The following EDA variants were observed in gnomAD, a reference collection of about 807,000 sequenced individuals.
EDA encodes the protein ectodysplasin A, also known as ectodysplasin-A.
In EDA, 2 loss-of-function variants were observed where a neutral mutation model predicts 23.6. That is an observed-to-expected ratio of 0.08 (90% CI 0.03 to 0.27). The LOEUF is 0.27. EDA is among the 10% of genes least tolerant of loss of function. The pLI is 1.00. For missense variants in EDA, 229 were observed against 324.2 expected, an observed-to-expected ratio of 0.71 and a Z score of 2.26; for synonymous variants, 131 against 132.0, an observed-to-expected ratio of 0.99 and a Z score of 0.05.
intron 1 of EDA, among the ~76,000 whole-genome samples, chrX:69,697,491 A>G (rs1196311344): frequency 5.4e-5 from 6 of 111,815 alleles, no homozygotes. Flanking sequence ...CAAGCGTGAC[A>G]TGGGGGGTGT....
At chrX:69,691,673 C>T (rs1364145382) in intron 1 of EDA, among the ~76,000 whole-genome samples, 2 of 111,196 alleles carry the variant, frequency 1.8e-5, no homozygotes, top group African/African-American at 6.5e-5. Context: ...TATTAAATAT[C>T]CATAGAGATA....
chrX:69,928,972 C>T (rs1043898216), intron 1 of EDA, among the ~76,000 whole-genome samples: 13 of 111,558 alleles, frequency 1.2e-4, no homozygotes, highest in African/African-American at 3.3e-5. Context: ...AATAAATGCG[C>T]CACCAACTTG....
intron 1 of EDA, among the ~76,000 whole-genome samples, chrX:69,642,824 A>G (rs1932856102): frequency 8.9e-6 from 1 of 111,892 alleles, no homozygotes; most frequent in Non-Finnish European, 1.9e-5. Context: ...TCACAAAGCC[A>G]GTAAGCCAGT....
chrX:69,790,288 A>G (rs1052553749), intron 1 of EDA, among the ~76,000 whole-genome samples: 2 of 110,576 alleles, frequency 1.8e-5, no homozygotes, highest in South Asian at 3.9e-4. Context: ...ATATGTAGAC[A>G]TGTGCCATCT....
chrX:69,727,909 A>T (rs1327069064), intron 1 of EDA, among the ~76,000 whole-genome samples: 1 of 111,110 alleles, frequency 9.0e-6, no homozygotes, highest in African/African-American at 3.3e-5. Flanking sequence ...ATATTTTTTG[A>T]TGTACTATGT....
At chrX:69,913,679 A>G (rs1258877073) in intron 1 of EDA, among the ~76,000 whole-genome samples, 1 of 112,297 alleles carries the variant, frequency 8.9e-6, no homozygotes, top group Admixed American at 9.5e-5. Flanking sequence ...TGCATTCATA[A>G]CTTGGCTAAC....
chrX:69,871,410 G>T (rs2017563782), intron 1 of EDA, among the ~76,000 whole-genome samples: 2 of 111,639 alleles, frequency 1.8e-5, no homozygotes, highest in South Asian at 7.7e-4. Context: ...AAACTGAGGA[G>T]TAAGGAGAGC....
intron 3 of EDA, among the ~76,000 whole-genome samples, chrX:70,025,707 C>A (rs2020098072): frequency 8.9e-6 from 1 of 112,167 alleles, no homozygotes; most frequent in Non-Finnish European, 1.9e-5. Context: ...CTGCCCAAAT[C>A]TGAAAGGAGA....
At chrX:69,843,939 G>A (rs747829542) in intron 1 of EDA, among the ~76,000 whole-genome samples, 3 of 104,579 alleles carry the variant, frequency 2.9e-5, no homozygotes, top group Admixed American at 1.1e-4. Flanking sequence ...GGAGAATGGC[G>A]TGCACCCAGG....
At chrX:69,826,627 C>T (rs867011468) in intron 1 of EDA, among the ~76,000 whole-genome samples, 2 of 109,081 alleles carry the variant, frequency 1.8e-5, no homozygotes, top group Non-Finnish European at 3.8e-5. Flanking sequence ...GAATATAGCA[C>T]ACTGATGGGT....
chrX:69,746,151 T>C (rs2013613903), intron 1 of EDA, among the ~76,000 whole-genome samples: 1 of 110,881 alleles, frequency 9.0e-6, no homozygotes, highest in Non-Finnish European at 1.9e-5. Flanking sequence ...TTTCTCATTC[T>C]CTTTCTTTCT....
chrX:69,658,575 G>A (rs180822283), intron 1 of EDA, among the ~76,000 whole-genome samples: 1 of 110,688 alleles, frequency 9.0e-6, no homozygotes. Flanking sequence ...TTAAGATTTT[G>A]TCATACTTTC....
intron 1 of EDA, among the ~76,000 whole-genome samples, chrX:69,752,970 C>T (rs1481569718): frequency 9.0e-6 from 1 of 111,260 alleles, no homozygotes; most frequent in Admixed American, 9.5e-5. Flanking sequence ...TCTCTCTTTT[C>T]TTCTTTATTA....
intron 1 of EDA, among the ~76,000 whole-genome samples, chrX:69,788,489 T>G (rs1162546134): frequency 8.9e-6 from 1 of 111,954 alleles, no homozygotes; most frequent in African/African-American, 3.2e-5. Context: ...GTCCTTTCTG[T>G]TTGTTAGTTT....
intron 1 of EDA, among the ~76,000 whole-genome samples, chrX:69,719,146 G>A (rs932784664): frequency 1.8e-5 from 2 of 109,596 alleles, no homozygotes; most frequent in Admixed American, 9.8e-5. Flanking sequence ...GATATATTCT[G>A]TTTCATTCCT....
intron 1 of EDA, among the ~76,000 whole-genome samples, chrX:69,701,351 G>C (rs2011528556): frequency 9.0e-6 from 1 of 111,373 alleles, no homozygotes; most frequent in Admixed American, 9.5e-5. Context: ...GGCCTGGTGG[G>C]CTTACCTGGG....
At position 70,011,579 on chromosome X, in the gene EDA, T is replaced by A. The variant is rs185721712; in HGVS notation, c.503-11639T>A. On this transcript the variant is annotated intron_variant, in intron 2 of 7. Coordinates refer to ENST00000374552, the MANE Select transcript of EDA (RefSeq NM_001399.5). ...TTTGAACAAACTGTTATCTAGTAAA[T>A]CTATTAAGAACAAGTAAAATGTTTT... Among the ~76,000 whole-genome samples, 551 of 111,303 alleles carry A rather than the reference T, an allele frequency of 5.0e-3. 3 individuals are homozygous for A. The highest frequency in any genetic ancestry group is 0.017 in the African/African-American group (529 of 30,631).
chrX:69,679,271 G>T (rs1454659954), intron 1 of EDA, among the ~76,000 whole-genome samples: 1 of 104,341 alleles, frequency 9.6e-6, no homozygotes, highest in Non-Finnish European at 2.0e-5. Flanking sequence ...AAGGATATTG[G>T]TCTAAAATTC....
At chrX:69,927,754 T>C (rs1181693651) in intron 1 of EDA, among the ~76,000 whole-genome samples, 1 of 110,342 alleles carries the variant, frequency 9.1e-6, no homozygotes, top group African/African-American at 3.3e-5. Flanking sequence ...TTTTCCAGCT[T>C]TTTGATTGCC....
Sources: allele counts gnomAD v4.1 joint callset (sites outside exome capture counted in the v4.1 genomes callset), GRCh38; gene constraint gnomAD v4.1.1; transcripts MANE v1.5; gene names NCBI Gene and HGNC (gene_info 2026-07-23, HGNC 2026-07-21).